LRRTM4: variants seen among roughly 807,000 people sequenced by gnomAD.
The protein encoded by LRRTM4 is leucine-rich repeat transmembrane neuronal protein 4.
A neutral mutation model predicts 47.6 loss-of-function variants in LRRTM4; 25 were observed. The ratio of observed to expected loss-of-function variants is 0.53; its 90% CI spans 0.38 to 0.73. The LOEUF is 0.73. Among genes scored for constraint, LRRTM4 ranks in the 30% least tolerant of loss-of-function variants. The probability of loss-of-function intolerance (pLI) is 0.00; values close to 1 mark genes in which losing one functional copy is unlikely to be tolerated. For synonymous variants in LRRTM4, 311 were observed against 269.5 expected (o/e 1.15, Z -1.51); for missense variants, 638 against 713.4 (o/e 0.89, Z 1.20).
chr2:77,501,619 A>G (rs1678573043), intron 3 of LRRTM4, among the ~76,000 whole-genome samples: 1 of 150,900 alleles, frequency 6.6e-6, no homozygotes. Flanking sequence ...ACAATAAAAT[A>G]AAATATAGAA....
intron 3 of LRRTM4, among the ~76,000 whole-genome samples, chr2:76,826,661 TA>T (rs944645666): frequency 1.3e-5 from 2 of 151,658 alleles, no homozygotes; most frequent in African/African-American, 4.8e-5. Context: ...GAAAAAATAA[TA>T]AAAACACTTT....
intron 3 of LRRTM4, among the ~76,000 whole-genome samples, chr2:76,871,071 G>GA (rs1360331496): frequency 6.6e-6 from 1 of 152,094 alleles, no homozygotes; most frequent in African/African-American, 2.4e-5. Flanking sequence ...AAATCTTTGG[G>GA]AAAAAATCAA....
intron 3 of LRRTM4, among the ~76,000 whole-genome samples, chr2:77,106,713 T>C (rs1400288838): frequency 6.6e-6 from 1 of 151,906 alleles, no homozygotes; most frequent in East Asian, 1.9e-4. Flanking sequence ...AAACAAAATA[T>C]ATAACAAAAT....
At chr2:76,934,173 C>T (rs920151190) in intron 3 of LRRTM4, among the ~76,000 whole-genome samples, 2 of 152,112 alleles carry the variant, frequency 1.3e-5, no homozygotes, top group African/African-American at 4.8e-5. Context: ...TTGTCACTCA[C>T]ATAATTTCTT....
At chr2:76,773,323 T>C (rs1256261373) in intron 3 of LRRTM4, among the ~76,000 whole-genome samples, 1 of 152,236 alleles carries the variant, frequency 6.6e-6, no homozygotes. Flanking sequence ...TTACACACTT[T>C]TCTGCCTTTG....
At chr2:77,100,080 A>T (rs2103908503) in intron 3 of LRRTM4, among the ~76,000 whole-genome samples, 1 of 152,172 alleles carries the variant, frequency 6.6e-6, no homozygotes, top group East Asian at 1.9e-4. Context: ...ACATGAAATG[A>T]ATTTTCTGTC....
At chr2:76,802,999 T>G (rs954910632) in intron 3 of LRRTM4, among the ~76,000 whole-genome samples, 1 of 152,054 alleles carries the variant, frequency 6.6e-6, no homozygotes, top group African/African-American at 2.4e-5. Flanking sequence ...ATAAAACAAG[T>G]AGTAGAAAAC....
intron 3 of LRRTM4, among the ~76,000 whole-genome samples, chr2:77,364,905 C>T (rs1027494172): frequency 6.6e-6 from 1 of 151,936 alleles, no homozygotes; most frequent in Non-Finnish European, 1.5e-5. Flanking sequence ...CATAATCCTA[C>T]CTCTTATCAG....
chr2:77,012,552 G>A (rs2104071881), intron 3 of LRRTM4, among the ~76,000 whole-genome samples: 1 of 152,316 alleles, frequency 6.6e-6, no homozygotes, highest in Non-Finnish European at 1.5e-5. Flanking sequence ...GGATTGATGA[G>A]TGCTGATCTC....
intron 3 of LRRTM4, among the ~76,000 whole-genome samples, chr2:77,147,269 C>A (rs1369603389): frequency 6.6e-6 from 1 of 152,150 alleles, no homozygotes; most frequent in Non-Finnish European, 1.5e-5. Context: ...ATATAAACCT[C>A]CAAGAGGGAT....
rs375471763 is a variant in LRRTM4, at chr2:76,936,339, A to T, written c.1552-187423T>A. On this transcript the variant is annotated intron_variant, in intron 3 of 3. Transcript: ENST00000409884. ...CATTCTCAGCAAACTATCACAAAAC[A>T]AAAAACCAAACACCACATGTTCTCA... 1.3e-4 allele frequency among the ~76,000 whole-genome samples: 20 copies of T among 152,068 alleles called. No homozygotes were observed. The South Asian group carries it at 4.2e-3, about 32-fold the overall frequency.
At chr2:77,236,772 G>A (rs1207671093) in intron 3 of LRRTM4, among the ~76,000 whole-genome samples, 1 of 151,970 alleles carries the variant, frequency 6.6e-6, no homozygotes. Context: ...TGCATCTGTT[G>A]ACATGATCAA....
At chr2:77,477,908 AAAG>A (rs2104008405) in intron 3 of LRRTM4, among the ~76,000 whole-genome samples, 1 of 7,074 alleles carries the variant, frequency 1.4e-4, no homozygotes, top group African/African-American at 4.9e-4. Context: ...AAAGAAAAAG[AAAG>A]AAAGAAAGAA....
intron 3 of LRRTM4, among the ~76,000 whole-genome samples, chr2:77,480,825 GAGAGAGAGAGA>G (rs1558763545): frequency 5.9e-4 from 15 of 25,484 alleles, no homozygotes; most frequent in South Asian, 5.6e-3. Context: ...TGTGTGTGGA[GAGAGAGAGAGA>G]GAGAGAGAGA....
intron 3 of LRRTM4, among the ~76,000 whole-genome samples, chr2:77,349,209 T>A (rs554428359): frequency 6.6e-6 from 1 of 152,046 alleles, no homozygotes; most frequent in Non-Finnish European, 1.5e-5. Context: ...TTGACTTTTG[T>A]ACCTTGGCTG....
intron 3 of LRRTM4, among the ~76,000 whole-genome samples, chr2:76,807,487 C>CACATATAT: frequency 1.1e-5 from 1 of 92,410 alleles, no homozygotes; most frequent in East Asian, 2.9e-4. Context: ...TATATATATA[C>CACATATAT]ATATATATAT....
intron 3 of LRRTM4, among the ~76,000 whole-genome samples, chr2:77,158,941 C>CTTTCACTCCGTGAAA (rs1272904077): frequency 1.3e-5 from 2 of 152,078 alleles, no homozygotes; most frequent in Non-Finnish European, 2.9e-5. Context: ...TCTCAGAACG[C>CTTTCACTCCGTGAAA]TTTCACTCCG....
At chr2:76,993,705 AAAG>A (rs1182919540) in intron 3 of LRRTM4, among the ~76,000 whole-genome samples, 1 of 151,954 alleles carries the variant, frequency 6.6e-6, no homozygotes, top group Non-Finnish European at 1.5e-5. Context: ...GAGATTTCTC[AAAG>A]AAGTAAAAAT....
chr2:76,957,978 C>T (rs574022226), intron 3 of LRRTM4, among the ~76,000 whole-genome samples: 5 of 151,402 alleles, frequency 3.3e-5, no homozygotes, highest in East Asian at 2.0e-4. Flanking sequence ...AACATAAAGT[C>T]TTTTATTGTT....
Sources: gnomAD v4.1 joint callset for allele counts (sites outside exome capture counted in the v4.1 genomes callset) on GRCh38, gnomAD v4.1.1 for gene constraint, MANE v1.5 for transcripts, NCBI Gene and HGNC (gene_info 2026-07-23, HGNC 2026-07-21) for gene names.